CLSTN2: variants seen among roughly 807,000 people sequenced by gnomAD.
CLSTN2 encodes the protein calsyntenin 2.
In CLSTN2, 48 loss-of-function variants were observed where a neutral mutation model predicts 101.2. The observed-to-expected ratio is 0.47, with a 90% CI of 0.38 to 0.60. CLSTN2 has a LOEUF of 0.60. CLSTN2 is among the 20% of genes least tolerant of loss of function. CLSTN2 has a pLI of 0.00. For missense variants in CLSTN2, 1,160 were observed against 1,238.2 expected (o/e 0.94, Z 0.95); for synonymous variants, 481 against 463.6 (o/e 1.04, Z -0.48).
chr3:140,247,819 G>T (rs1365820913), intron 2 of CLSTN2, among the ~76,000 whole-genome samples: 4 of 152,122 alleles, frequency 2.6e-5, no homozygotes, highest in African/African-American at 9.7e-5. Context: ...AGTCTGGAGG[G>T]CTCCCTCATT....
chr3:140,397,602 A>G (rs753869462), intron 2 of CLSTN2, among the ~76,000 whole-genome samples: 9 of 152,170 alleles, frequency 5.9e-5, no homozygotes, highest in African/African-American at 2.2e-4. Context: ...TCTCATAGAT[A>G]GCACCTTCTC....
intron 2 of CLSTN2, among the ~76,000 whole-genome samples, chr3:140,385,103 G>C (rs1447619626): frequency 6.6e-6 from 1 of 152,184 alleles, no homozygotes. Context: ...TGAGCAGCAG[G>C]GTTGGTGGTA....
chr3:139,950,073 GC>G (rs1449560545), intron 1 of CLSTN2, among the ~76,000 whole-genome samples: 4 of 152,182 alleles, frequency 2.6e-5, no homozygotes, highest in African/African-American at 9.7e-5. Flanking sequence ...AGGAAGAGGG[GC>G]CAACCTTTGG....
At chr3:140,484,216 CTGA>C (rs1559883441) in intron 8 of CLSTN2, among the ~76,000 whole-genome samples, 1 of 152,192 alleles carries the variant, frequency 6.6e-6, no homozygotes, top group Non-Finnish European at 1.5e-5. Context: ...TTCTCCTTCA[CTGA>C]TGAAGCTTAG....
At chr3:140,480,724 T>G (rs1414816054) in intron 8 of CLSTN2, among the ~76,000 whole-genome samples, 2 of 152,210 alleles carry the variant, frequency 1.3e-5, no homozygotes, top group Non-Finnish European at 2.9e-5. Context: ...TCATCTGTCT[T>G]TTGCCTGCAT....
intron 9 of CLSTN2, among the ~76,000 whole-genome samples, chr3:140,535,749 A>C (rs1935347197): frequency 6.6e-6 from 1 of 152,258 alleles, no homozygotes; most frequent in South Asian, 2.1e-4. Context: ...AGATAAGGAA[A>C]CTGAGGCTCA....
chr3:140,232,107 A>G (rs924153730), intron 2 of CLSTN2, among the ~76,000 whole-genome samples: 18 of 152,184 alleles, frequency 1.2e-4, no homozygotes, highest in African/African-American at 4.3e-4. Flanking sequence ...GTTAGGTATC[A>G]ATTCTGTTCT....
At chr3:140,385,829 G>T (rs549656147) in intron 2 of CLSTN2, among the ~76,000 whole-genome samples, 1 of 152,258 alleles carries the variant, frequency 6.6e-6, no homozygotes, top group South Asian at 2.1e-4. Context: ...AAGCAAGCTG[G>T]GGTCTAGGGC....
intron 2 of CLSTN2, among the ~76,000 whole-genome samples, chr3:140,223,867 G>A (rs891994097): frequency 1.3e-5 from 2 of 152,156 alleles, no homozygotes; most frequent in African/African-American, 2.4e-5. Flanking sequence ...GTAACTTAAT[G>A]AGGATCAAGT....
chr3:140,231,369 A>G (rs1303625476), intron 2 of CLSTN2, among the ~76,000 whole-genome samples: 1 of 152,150 alleles, frequency 6.6e-6, no homozygotes, highest in Non-Finnish European at 1.5e-5. Context: ...ATCCCATCAC[A>G]AAAAGAGATT....
At chr3:140,277,328 T>C (rs2086804136) in intron 2 of CLSTN2, among the ~76,000 whole-genome samples, 1 of 152,214 alleles carries the variant, frequency 6.6e-6, no homozygotes, top group African/African-American at 2.4e-5. Flanking sequence ...TTGTTTCTGC[T>C]GGAGAGGTCT....
chr3:139,985,281 T>C (rs1358850005), intron 1 of CLSTN2, among the ~76,000 whole-genome samples: 2 of 152,084 alleles, frequency 1.3e-5, no homozygotes, highest in East Asian at 3.8e-4. Context: ...CGAGTGGGGG[T>C]GGACCGAGTC....
At chr3:140,242,998 G>A (rs1036432888) in intron 2 of CLSTN2, among the ~76,000 whole-genome samples, 6 of 152,198 alleles carry the variant, frequency 3.9e-5, no homozygotes, top group African/African-American at 1.2e-4. Context: ...CTGACTCATT[G>A]TTAAGCTTGA....
chr3:140,028,016 A>T (rs990220487), intron 1 of CLSTN2, among the ~76,000 whole-genome samples: 1 of 152,196 alleles, frequency 6.6e-6, no homozygotes, highest in African/African-American at 2.4e-5. Flanking sequence ...CATGCTGTGC[A>T]GAAGGTAATG....
intron 1 of CLSTN2, among the ~76,000 whole-genome samples, chr3:139,957,088 A>T (rs965925493): frequency 6.6e-6 from 1 of 152,220 alleles, no homozygotes; most frequent in Non-Finnish European, 1.5e-5. Context: ...GCTGTACAGG[A>T]GGGCAACACA....
intron 2 of CLSTN2, among the ~76,000 whole-genome samples, chr3:140,195,882 A>C (rs1160579342): frequency 6.6e-6 from 1 of 152,250 alleles, no homozygotes; most frequent in African/African-American, 2.4e-5. Context: ...CATATATAAG[A>C]AACTATTACC....
chr3:140,324,339 T>A (rs557289451), intron 2 of CLSTN2, among the ~76,000 whole-genome samples: 243 of 152,342 alleles, frequency 1.6e-3, no homozygotes, highest in African/African-American at 5.4e-3. Context: ...GTTGTACCCC[T>A]CTAGTTCTAG....
At chr3:140,193,770 G>A in intron 2 of CLSTN2, among the ~76,000 whole-genome samples, 1 of 151,972 alleles carries the variant, frequency 6.6e-6, no homozygotes, top group East Asian at 1.9e-4. Context: ...CCAATGCCAT[G>A]AATGTTGAAT....
intron 1 of CLSTN2, among the ~76,000 whole-genome samples, chr3:140,159,807 T>C (rs1238220358): frequency 1.3e-5 from 2 of 152,146 alleles, no homozygotes; most frequent in East Asian, 1.9e-4. Flanking sequence ...GTGGTACATA[T>C]ATACCATGGA....
Sources: gnomAD v4.1 joint callset for allele counts (sites outside exome capture counted in the v4.1 genomes callset) on GRCh38, gnomAD v4.1.1 for gene constraint, MANE v1.5 for transcripts, NCBI Gene and HGNC (gene_info 2026-07-23, HGNC 2026-07-21) for gene names.